Variants in GLRB observed in about 807,000 individuals in gnomAD.
GLRB encodes glycine receptor subunit beta.
In GLRB, 33 loss-of-function variants were observed where a neutral mutation model predicts 54.2. The ratio of observed to expected loss-of-function variants is 0.61; its 90% CI spans 0.46 to 0.81. The LOEUF is 0.81. Among genes scored for constraint, GLRB ranks in the 40% least tolerant of loss-of-function variants. The pLI is 0.00. For missense variants in GLRB, 572 were observed against 584.6 expected, an observed-to-expected ratio of 0.98 and a Z score of 0.22; for synonymous variants, 209 against 208.2, an observed-to-expected ratio of 1.00 and a Z score of -0.03.
At chr4:157,137,348 T>C (rs556357895) in intron 6 of GLRB, among the ~76,000 whole-genome samples, 1 of 152,194 alleles carries the variant, frequency 6.6e-6, no homozygotes, top group East Asian at 1.9e-4. Flanking sequence ...TTTTTTATGT[T>C]TAATTGATCA....
intron 2 of GLRB, among the ~76,000 whole-genome samples, chr4:157,104,544 A>G (rs1205179762): frequency 6.7e-6 from 1 of 150,266 alleles, no homozygotes; most frequent in African/African-American, 2.4e-5. Context: ...TTTTTCCTCT[A>G]GTTTTGGTAT....
At chr4:157,145,968 A>G (rs2126588419) in intron 8 of GLRB, among the ~76,000 whole-genome samples, 1 of 152,034 alleles carries the variant, frequency 6.6e-6, no homozygotes, top group African/African-American at 2.4e-5. Flanking sequence ...CAGAAAGATA[A>G]CAGCGATGAG....
intron 4 of GLRB, among the ~76,000 whole-genome samples, chr4:157,128,735 T>C (rs1560957979): frequency 6.6e-6 from 1 of 151,806 alleles, no homozygotes; most frequent in East Asian, 1.9e-4. Flanking sequence ...TGAAAAATGA[T>C]ATATTGAGAA....
intron 9 of GLRB, among the ~76,000 whole-genome samples, chr4:157,160,678 T>G (rs931977089): frequency 2.0e-5 from 3 of 152,148 alleles, no homozygotes; most frequent in Non-Finnish European, 2.9e-5. Context: ...CTAGTTTGAT[T>G]GCACTGTGGT....
chr4:157,158,375 C>T (rs191274866), intron 9 of GLRB, among the ~76,000 whole-genome samples: 154 of 152,254 alleles, frequency 1.0e-3, no homozygotes, highest in African/African-American at 3.4e-3. Context: ...GTTGCCATTG[C>T]TTTTGGCGTT....
At chr4:157,103,087 T>C (rs993407597) in intron 2 of GLRB, among the ~76,000 whole-genome samples, 24 of 151,062 alleles carry the variant, frequency 1.6e-4, no homozygotes, top group Non-Finnish European at 2.9e-4. Context: ...GGAGGCAAGG[T>C]TGTGGTAAGC....
At chr4:157,117,825 A>G (rs796653915) in intron 2 of GLRB, among the ~76,000 whole-genome samples, 4 of 151,786 alleles carry the variant, frequency 2.6e-5, no homozygotes, top group African/African-American at 7.2e-5. Context: ...TCCCTCAATA[A>G]TCATACTGTT....
rs938508006 is a variant in GLRB at position 157,115,409 on chromosome 4, A to T, written c.123-5147A>T. On this transcript the variant is annotated intron_variant, in intron 2 of 9. Coordinates refer to ENST00000264428, the MANE Select transcript of GLRB (RefSeq NM_000824.5). ...CACGGTTGCCACTATTTATAGTTATATTGTTTTCTTTGATATAATTCCTTT... is the reference window on the plus strand; with the variant it reads ...CACGGTTGCCACTATTTATAGTTATTTTGTTTTCTTTGATATAATTCCTTT... Among the ~76,000 whole-genome samples, 13 of 151,704 alleles carry T rather than the reference A, an allele frequency of 8.6e-5. No individual in the cohort carries two copies. In the East Asian group the frequency reaches 1.9e-3, roughly 23 times the overall value.
At chr4:157,100,995 CACTT>C (rs1010816624) in intron 2 of GLRB, among the ~76,000 whole-genome samples, 38 of 152,100 alleles carry the variant, frequency 2.5e-4, no homozygotes, top group Admixed American at 6.5e-5. Context: ...TGGTAGTAGA[CACTT>C]ACTAAACATT....
At chr4:157,094,295 A>C (rs1265888518) in intron 2 of GLRB, among the ~76,000 whole-genome samples, 3 of 152,212 alleles carry the variant, frequency 2.0e-5, no homozygotes, top group Non-Finnish European at 4.4e-5. Context: ...TGTAAGTAGA[A>C]TAATCCAGTA....
At chr4:157,106,719 T>A (rs1412489427) in intron 2 of GLRB, among the ~76,000 whole-genome samples, 1 of 151,976 alleles carries the variant, frequency 6.6e-6, no homozygotes, top group Non-Finnish European at 1.5e-5. Flanking sequence ...AAACTAAGAA[T>A]TACACCATCA....
At chr4:157,130,010 A>C (rs956831928) in intron 4 of GLRB, among the ~76,000 whole-genome samples, 2 of 151,654 alleles carry the variant, frequency 1.3e-5, no homozygotes, top group African/African-American at 4.8e-5. Context: ...AACATGAAGG[A>C]TATTTCCTAA....
chr4:157,138,930 A>G lies in GLRB; in HGVS notation c.732A>G (p.Thr244=), dbSNP rs1736511538. The change falls in exon 7 of 10, where the codon ACA becomes ACG. Residue 244 remains threonine (T), a synonymous_variant. Coordinates refer to ENST00000264428, the MANE Select transcript of GLRB (RefSeq NM_000824.5). The part of the protein sequence containing the change: ...KKEDIEYGNC[T]KYYKGTGYYT... Reference sequence around the variant, plus strand: ...AAGATATTGAATATGGTAACTGTACAAAATACTATAAAGGCACGGGTAAGT... The same window carrying G: ...AAGATATTGAATATGGTAACTGTACGAAATACTATAAAGGCACGGGTAAGT... 3 of 1,451,780 alleles carry G rather than the reference A, an allele frequency of 2.1e-6. No homozygotes were observed. Among genetic ancestry groups the G allele is most frequent in the Non-Finnish European group, 2.9e-6 (3 of 1,033,810 alleles). The allele number at this position is 1,451,780 out of a possible 1,614,324, so 89.9% of individuals were successfully genotyped here. A position where few individuals can be genotyped will look rare whatever the true frequency, so the allele number is the denominator to read the frequency against.
At chr4:157,112,364 T>TA (rs1420479992) in intron 2 of GLRB, among the ~76,000 whole-genome samples, 1 of 151,882 alleles carries the variant, frequency 6.6e-6, no homozygotes, top group African/African-American at 2.4e-5. Context: ...CTCAAGTGCA[T>TA]AACCTGTACA....
At chr4:157,151,270 A>G (rs1458523157) in intron 8 of GLRB, among the ~76,000 whole-genome samples, 1 of 152,102 alleles carries the variant, frequency 6.6e-6, no homozygotes, top group Non-Finnish European at 1.5e-5. Context: ...AAGAATAGAA[A>G]AATTAACTTA....
At position 157,096,374 on chromosome 4, in the gene GLRB, G is replaced by T. The variant is rs184108078; in HGVS notation, c.122+18228G>T. On this transcript the variant is annotated intron_variant, in intron 2 of 9. Coordinates refer to ENST00000264428, the MANE Select transcript of GLRB (RefSeq NM_000824.5). ...AGAAAATGTTATGAGATTTGCTGGA[G>T]ATTTCATCCAGGTATATTGGATAGT... Among the ~76,000 whole-genome samples, 381 of 152,298 alleles carry T rather than the reference G, an allele frequency of 2.5e-3. 5 individuals carry two copies. The highest frequency in any genetic ancestry group is 0.011 in the South Asian group (51 of 4,822).
chr4:157,123,218 A>G (rs1014069616), intron 4 of GLRB, among the ~76,000 whole-genome samples: 1 of 151,696 alleles, frequency 6.6e-6, no homozygotes, highest in Non-Finnish European at 1.5e-5. Context: ...ATTTTCCTGT[A>G]TTTTTGGGAG....
intron 4 of GLRB, among the ~76,000 whole-genome samples, chr4:157,133,339 TA>T (rs1736284756): frequency 6.6e-6 from 1 of 151,900 alleles, no homozygotes; most frequent in African/African-American, 2.4e-5. Context: ...TAACTTGACT[TA>T]AACCCATATA....
At chr4:157,084,172 T>G (rs1198103881) in intron 2 of GLRB, among the ~76,000 whole-genome samples, 2 of 152,188 alleles carry the variant, frequency 1.3e-5, no homozygotes, top group Non-Finnish European at 2.9e-5. Flanking sequence ...GCCGACATAA[T>G]AAGCACTTTT....
Sources: gnomAD v4.1 joint callset for allele counts (sites outside exome capture counted in the v4.1 genomes callset) on GRCh38, gnomAD v4.1.1 for gene constraint, MANE v1.5 for transcripts, NCBI Gene and HGNC (gene_info 2026-07-23, HGNC 2026-07-21) for gene names.